The following KCNQ5 variants were observed in gnomAD, a reference collection of about 807,000 sequenced individuals.
KCNQ5 encodes potassium voltage-gated channel subfamily KQT member 5.
A neutral mutation model predicts 98.2 loss-of-function variants in KCNQ5; 30 were observed. The ratio of observed to expected loss-of-function variants is 0.31; its 90% CI spans 0.23 to 0.41. The LOEUF is 0.41. Among genes scored for constraint, KCNQ5 ranks in the 10% least tolerant of loss-of-function variants. KCNQ5 has a pLI of 1.00. For synonymous variants in KCNQ5, 458 were observed against 449.4 expected (o/e 1.02, Z -0.24); for missense variants, 835 against 1,182.5 (o/e 0.71, Z 4.31).
intron 1 of KCNQ5, among the ~76,000 whole-genome samples, chr6:72,804,348 C>T (rs1774839389): frequency 6.6e-6 from 1 of 150,738 alleles, no homozygotes; most frequent in African/African-American, 2.4e-5. Flanking sequence ...TCTCTAATAA[C>T]CATTGTTCCA....
At chr6:72,648,374 C>T (rs1029951332) in intron 1 of KCNQ5, among the ~76,000 whole-genome samples, 1 of 152,108 alleles carries the variant, frequency 6.6e-6, no homozygotes, top group Non-Finnish European at 1.5e-5. Context: ...GAGTAAATAA[C>T]TGGCAGTGTC....
intron 1 of KCNQ5, among the ~76,000 whole-genome samples, chr6:72,847,601 C>T (rs1777072208): frequency 1.3e-5 from 2 of 152,200 alleles, no homozygotes; most frequent in African/African-American, 4.8e-5. Flanking sequence ...CCCGTTAGAT[C>T]TCCCCAGAGC....
chr6:72,912,317 C>T lies in KCNQ5; in HGVS notation c.399-91591C>T, dbSNP rs146195499. ...TTCATAACTTTTTCGTAGTAAGCAT[C>T]GATGGATTAGATCTGTTTACTGAAT... On this transcript the variant is annotated intron_variant, in intron 1 of 13. Transcript: ENST00000370398. 3.4e-3 allele frequency among the ~76,000 whole-genome samples: 521 copies of T among 152,222 alleles called. 2 individuals are homozygous for T. The highest frequency in any genetic ancestry group is 4.0e-3 in the Non-Finnish European group (275 of 68,014).
intron 2 of KCNQ5, among the ~76,000 whole-genome samples, chr6:73,005,101 T>C (rs960450229): frequency 1.8e-4 from 27 of 152,194 alleles, no homozygotes; most frequent in Non-Finnish European, 1.5e-5. Context: ...ATTTTGAATC[T>C]GTAATAAATC....
At chr6:73,101,335 T>C (rs527476723) in intron 5 of KCNQ5, among the ~76,000 whole-genome samples, 3 of 152,242 alleles carry the variant, frequency 2.0e-5, no homozygotes, top group African/African-American at 7.2e-5. Context: ...TGGTTCCTCC[T>C]ATATTTAGAA....
intron 1 of KCNQ5, among the ~76,000 whole-genome samples, chr6:72,709,663 C>T (rs1043227470): frequency 6.6e-6 from 1 of 152,130 alleles, no homozygotes; most frequent in Non-Finnish European, 1.5e-5. Context: ...CAAATATTTA[C>T]TAAGAACACA....
intron 1 of KCNQ5, among the ~76,000 whole-genome samples, chr6:72,801,440 G>T (rs1306307648): frequency 7.5e-6 from 1 of 133,430 alleles, no homozygotes; most frequent in Non-Finnish European, 1.6e-5. Context: ...CAGAGACTAG[G>T]ATTGCAACCC....
intron 3 of KCNQ5, chr6:73,055,825 G>A: frequency 1.3e-6 from 1 of 765,076 alleles, no homozygotes; most frequent in Non-Finnish European, 2.3e-6. Context: ...AGCCATGGAA[G>A]TTGTGGCTGC....
chr6:72,688,042 T>C (rs1452115649), intron 1 of KCNQ5, among the ~76,000 whole-genome samples: 1 of 152,110 alleles, frequency 6.6e-6, no homozygotes, highest in Non-Finnish European at 1.5e-5. Context: ...TTTCACCATA[T>C]TGGCCAGGGT....
chr6:72,901,332 T>C (rs767930113), intron 1 of KCNQ5, among the ~76,000 whole-genome samples: 9 of 152,172 alleles, frequency 5.9e-5, no homozygotes, highest in Non-Finnish European at 1.0e-4. Context: ...GTTCCTTTTG[T>C]CATGCAAAAG....
intron 9 of KCNQ5, among the ~76,000 whole-genome samples, chr6:73,124,974 TATATATACACAC>T (rs1156703214): frequency 0.31 from 5,245 of 17,014 alleles, 202 homozygotes; most frequent in Middle Eastern, 0.42. Context: ...TATATATATA[TATATATACACAC>T]ACACACATAT....
intron 1 of KCNQ5, among the ~76,000 whole-genome samples, chr6:72,858,793 T>C (rs1431267650): frequency 6.6e-6 from 1 of 152,096 alleles, no homozygotes; most frequent in Non-Finnish European, 1.5e-5. Context: ...ATGCATGTAA[T>C]AAAATTTCAT....
At chr6:73,171,363 T>C (rs1434497857) in intron 11 of KCNQ5, among the ~76,000 whole-genome samples, 5 of 152,174 alleles carry the variant, frequency 3.3e-5, no homozygotes, top group African/African-American at 1.2e-4. Flanking sequence ...TCTCAAAGTA[T>C]CCCAGTTTGG....
chr6:72,697,447 C>CCTAGATTTAAACCTTAAATT (rs1768557770), intron 1 of KCNQ5, among the ~76,000 whole-genome samples: 1 of 152,018 alleles, frequency 6.6e-6, no homozygotes, highest in African/African-American at 2.4e-5. Context: ...TAGATTTATT[C>CCTAGATTTAAACCTTAAATT]CTAGATTTAA....
At chr6:72,906,242 A>G (rs1441266612) in intron 1 of KCNQ5, among the ~76,000 whole-genome samples, 1 of 152,118 alleles carries the variant, frequency 6.6e-6, no homozygotes, top group African/African-American at 2.4e-5. Context: ...TCTCAATCCC[A>G]CCATGCCCCT....
At chr6:73,175,739 G>A (rs1293513663) in intron 11 of KCNQ5, among the ~76,000 whole-genome samples, 1 of 152,236 alleles carries the variant, frequency 6.6e-6, no homozygotes, top group African/African-American at 2.4e-5. Context: ...TAACAAAAAA[G>A]ATGGATCCCT....
At chr6:72,889,451 C>T (rs1297508685) in intron 1 of KCNQ5, among the ~76,000 whole-genome samples, 1 of 152,198 alleles carries the variant, frequency 6.6e-6, no homozygotes, top group Non-Finnish European at 1.5e-5. Flanking sequence ...GACTTACATT[C>T]TCCCTTCACC....
At chr6:72,863,004 C>A (rs1777832335) in intron 1 of KCNQ5, among the ~76,000 whole-genome samples, 1 of 151,586 alleles carries the variant, frequency 6.6e-6, no homozygotes, top group South Asian at 2.1e-4. Context: ...GGAATGTTGC[C>A]AAAAAAGAGA....
chr6:72,832,511 C>G (rs1274751847), intron 1 of KCNQ5, among the ~76,000 whole-genome samples: 1 of 152,128 alleles, frequency 6.6e-6, no homozygotes, highest in Non-Finnish European at 1.5e-5. Flanking sequence ...AAAGGATTCT[C>G]TGGCCCAAAA....
Sources: allele counts gnomAD v4.1 joint callset (sites outside exome capture counted in the v4.1 genomes callset), GRCh38; gene constraint gnomAD v4.1.1; transcripts MANE v1.5; gene names NCBI Gene and HGNC (gene_info 2026-07-23, HGNC 2026-07-21).